The following CACNA1D variants were observed in gnomAD, a reference collection of about 807,000 sequenced individuals.
The protein encoded by CACNA1D is voltage-dependent L-type calcium channel subunit alpha-1D.
Under a neutral mutation model 257.1 loss-of-function variants are expected in CACNA1D, and 55 were observed. That is an observed-to-expected ratio of 0.21 (90% CI 0.17 to 0.27). The LOEUF (loss-of-function observed/expected upper bound fraction) is 0.27, where lower values mean the gene tolerates loss of function less well. Ranked by LOEUF, CACNA1D falls within the 10% of genes least tolerant of loss-of-function variation. The pLI, the probability that CACNA1D is intolerant of heterozygous loss-of-function variation, is 1.00. For synonymous variants in CACNA1D, 980 were observed against 1,014.9 expected (o/e 0.97, Z 0.65); for missense variants, 1,876 against 2,784.0 (o/e 0.67, Z 7.34).
intron 7 of CACNA1D, among the ~76,000 whole-genome samples, chr3:53,671,366 A>G (rs1444084509): frequency 6.6e-6 from 1 of 152,054 alleles, no homozygotes; most frequent in African/African-American, 2.4e-5. Context: ...TGCTGCATGC[A>G]CCTCTGTTCC....
In CACNA1D at chr3:53,744,797, C is replaced by G; in HGVS notation, c.2976C>G (p.Leu992=). 1 of 1,608,244 alleles carries G rather than the reference C, an allele frequency of 6.2e-7. No individual in the cohort carries two copies. ...ILRVLRVLRP[L]RAINRAKGLK... is the part of the protein sequence containing the mutation. The stretch of plus-strand genomic sequence containing the variant: ...GGGTCTTAAGGGTCCTGCGTCCCCT[C>G]AGGGCCATCAACAGAGCAAAAGGAC... The change falls in exon 23 of 48, where the codon CTC becomes CTG. Residue 992 remains leucine, a synonymous_variant. Transcript: ENST00000350061.
In CACNA1D at chr3:53,743,098, C is replaced by G; in HGVS notation, c.2899C>G (p.Leu967Val). The change falls in exon 22 of 48, where the codon CTG (leucine) becomes GTG (valine). Residue 967 changes from leucine to valine, a missense_variant. Physicochemically the swap from Leu to Val is conservative, Grantham distance 32 (BLOSUM62 1). Coordinates refer to ENST00000350061, the MANE Select transcript of CACNA1D (RefSeq NM_001128840.3). Reference sequence around the variant, plus strand: ...GGATATGCTGGTGGTTGGGGTGTCTCTGGTGTCATTTGGGATTCAGTAAGT... The same window carrying G: ...GGATATGCTGGTGGTTGGGGTGTCTGTGGTGTCATTTGGGATTCAGTAAGT... ...LLDMLVVGVSLVSFGIQSSAI... is the reference protein window; with the variant it reads ...LLDMLVVGVSVVSFGIQSSAI... The G allele has an allele frequency of 6.2e-7, 1 of 1,612,650 alleles. No individual in the cohort carries two copies. Among genetic ancestry groups the G allele is most frequent in the Non-Finnish European group, 8.5e-7 (1 of 1,178,658 alleles).
intron 9 of CACNA1D, among the ~76,000 whole-genome samples, chr3:53,713,996 C>T (rs2094791589): frequency 6.6e-6 from 1 of 152,192 alleles, no homozygotes; most frequent in Non-Finnish European, 1.5e-5. Context: ...AAATATAGGC[C>T]TTGAGCTTCT....
chr3:53,637,441 GTT>G (rs3836506), intron 3 of CACNA1D, among the ~76,000 whole-genome samples: 40 of 150,338 alleles, frequency 2.7e-4, no homozygotes, highest in South Asian at 2.1e-4. Flanking sequence ...CTGCTCTAAG[GTT>G]TTTTTTTTGG....
chr3:53,776,153 G>A (rs888944066), intron 35 of CACNA1D, 108 bp downstream of exon 35: 5 of 1,026,136 alleles, frequency 4.9e-6, no homozygotes, highest in African/African-American at 1.6e-5. Flanking sequence ...CAATTGATGT[G>A]GATGAGCACT....
At chr3:53,674,988 T>G (rs1009294228) in intron 8 of CACNA1D, among the ~76,000 whole-genome samples, 19 of 152,380 alleles carry the variant, frequency 1.2e-4, no homozygotes, top group African/African-American at 4.3e-4. Flanking sequence ...TTTAATCGCA[T>G]TTTTGGAAAC....
chr3:53,799,238 T>C (rs1020865806), intron 40 of CACNA1D, among the ~76,000 whole-genome samples: 1 of 152,212 alleles, frequency 6.6e-6, no homozygotes, highest in Non-Finnish European at 1.5e-5. Context: ...ATACAGTCCC[T>C]ATTAGTCTTT....
rs376059862 is a variant in CACNA1D, at chr3:53,778,198, CT to C, written c.4587+1252del. 2.7e-5 allele frequency among the ~76,000 whole-genome samples: 4 copies of C among 150,550 alleles called. No homozygotes were observed. In the East Asian group the frequency reaches 5.8e-4, roughly 22 times the overall value. On this transcript the variant is annotated intron_variant, in intron 37 of 47. Transcript: ENST00000350061. ...CTCTGGATATTGAAACAGAGCTTGA[CT>C]TTTTTTTTTCCATAAACTTCCCAGT...
intron 3 of CACNA1D, among the ~76,000 whole-genome samples, chr3:53,610,092 G>T (rs909019405): frequency 2.0e-5 from 3 of 152,136 alleles, no homozygotes. Context: ...TATGATCAGG[G>T]AATGTTCTTT....
intron 29 of CACNA1D, among the ~76,000 whole-genome samples, chr3:53,754,583 G>T (rs575962661): frequency 6.6e-6 from 1 of 152,326 alleles, no homozygotes; most frequent in East Asian, 1.9e-4. Flanking sequence ...GGCCACTGCT[G>T]TTCCTACCCG....
At chr3:53,735,623 A>T (rs948527166) in intron 20 of CACNA1D, 120 bp downstream of exon 20, 5 of 1,123,748 alleles carry the variant, frequency 4.4e-6, no homozygotes, top group Non-Finnish European at 6.5e-6. Context: ...TCTTTCCTTC[A>T]GCTGGGGACG....
rs201147414 is a variant in CACNA1D at position 53,801,272 on chromosome 3, C to T, written c.5255C>T (p.Thr1752Ile). 4.5e-4 allele frequency: 731 copies of T among 1,614,118 alleles called. 8 individuals are homozygous for T. The South Asian group carries it at 7.7e-3, about 17-fold the overall frequency. ...AATTCCATAGGAAAGCAAGTTCCCA[C>T]CTCAACAAATGCCAATCTCAATAAT... ...NHNSIGKQVPTSTNANLNNAN... is the reference protein window; with the variant it reads ...NHNSIGKQVPISTNANLNNAN... Residue 1752 changes from threonine to isoleucine, a missense_variant, in exon 42 of 48, where the codon ACC (threonine) becomes ATC (isoleucine). Coordinates refer to ENST00000350061, the MANE Select transcript of CACNA1D (RefSeq NM_001128840.3).
chr3:53,592,821 A>G (rs1200407622), intron 3 of CACNA1D, among the ~76,000 whole-genome samples: 2 of 152,032 alleles, frequency 1.3e-5, no homozygotes, highest in East Asian at 1.9e-4. Context: ...CTCCTGCCTC[A>G]GCCTCCCAGG....
chr3:53,672,938 T>C (rs1257021491), intron 7 of CACNA1D, 85 bp from the exon 8 acceptor site: 6 of 854,236 alleles, frequency 7.0e-6, no homozygotes, highest in Admixed American at 2.3e-5. Flanking sequence ...ATTAAATGTA[T>C]AGAATGCTGT....
chr3:53,808,740 G>C lies in CACNA1D; in HGVS notation c.5841G>C (p.Thr1947=), dbSNP rs146425374. 3 of 1,608,126 alleles carry C rather than the reference G, an allele frequency of 1.9e-6. No individual in the cohort carries two copies. Among genetic ancestry groups the C allele is most frequent in the Non-Finnish European group, 2.5e-6 (3 of 1,179,998 alleles). Residue 1947 remains threonine, a synonymous_variant, in exon 46 of 48, where the codon ACG becomes ACC. Transcript: ENST00000350061. ...VPSSPIFPHR[T]ALPLHLMQQQ... ...CGTCTCCCATCTTCCCCCATCGCACGGCCCTGCCTCTGCATCTAATGCAGC... is the reference window on the plus strand; with the variant it reads ...CGTCTCCCATCTTCCCCCATCGCACCGCCCTGCCTCTGCATCTAATGCAGC...
At chr3:53,604,788 G>T (rs904537418) in intron 3 of CACNA1D, among the ~76,000 whole-genome samples, 1 of 152,144 alleles carries the variant, frequency 6.6e-6, no homozygotes, top group African/African-American at 2.4e-5. Context: ...CCTCTACCAG[G>T]GGTAAAGCCC....
intron 9 of CACNA1D, among the ~76,000 whole-genome samples, chr3:53,709,100 C>T (rs2094722814): frequency 6.6e-6 from 1 of 152,212 alleles, no homozygotes. Flanking sequence ...TCTGTTTCTG[C>T]CCTCTGTTGT....
intron 3 of CACNA1D, among the ~76,000 whole-genome samples, chr3:53,528,573 C>T (rs1456004630): frequency 3.9e-5 from 6 of 152,106 alleles, no homozygotes; most frequent in Admixed American, 3.3e-4. Flanking sequence ...TATAAAACAG[C>T]CTTCTGGGGT....
Position 53,667,228 on chromosome 3 carries a change from G to A in CACNA1D, c.1116+693G>A, listed in dbSNP as rs142923090. Among the ~76,000 whole-genome samples the A allele has an allele frequency of 3.8e-3, 576 of 152,344 alleles. 4 individuals are homozygous for A. The highest frequency in any genetic ancestry group is 0.013 in the African/African-American group (541 of 41,586). ...AAACAGTTGGACACTCTTTCAAGGCGAGGGTCTGATTCCTCTTGTTCCTGA... is the reference window on the plus strand; with the variant it reads ...AAACAGTTGGACACTCTTTCAAGGCAAGGGTCTGATTCCTCTTGTTCCTGA... On this transcript the variant is annotated intron_variant, in intron 7 of 47. Transcript: ENST00000350061.
Sources: gnomAD v4.1 joint callset for allele counts (sites outside exome capture counted in the v4.1 genomes callset) on GRCh38, gnomAD v4.1.1 for gene constraint, MANE v1.5 for transcripts, NCBI Gene and HGNC (gene_info 2026-07-23, HGNC 2026-07-21) for gene names.